The following PLEKHA6 variants were observed in gnomAD, a reference collection of about 807,000 sequenced individuals.
PLEKHA6 encodes pleckstrin homology domain containing A6, also known as pleckstrin homology domain-containing family A member 6.
PLEKHA6 carries 60 observed loss-of-function variants against 116.7 expected under a neutral mutation model. The observed-to-expected ratio is 0.51, with a 90% CI of 0.42 to 0.64. The LOEUF (loss-of-function observed/expected upper bound fraction) is 0.64, where lower values mean the gene tolerates loss of function less well. Among genes scored for constraint, PLEKHA6 ranks in the 30% least tolerant of loss-of-function variants. PLEKHA6 has a pLI of 0.00. For synonymous variants in PLEKHA6, 489 were observed against 556.1 expected (o/e 0.88, Z 1.70); for missense variants, 1,338 against 1,422.7 (o/e 0.94, Z 0.96).
At position 204,248,941 on chromosome 1, in the gene PLEKHA6, G is replaced by A. The variant is rs1436236611; in HGVS notation, c.1704C>T (p.Thr568=). ...KESLESALMG[T]HQELEMFGSQ... is the part of the protein sequence containing the mutation. ...TTCCAAACATCTCCAGCTCCTGGTG[G>A]GTCCCCATCAAGGCACTTTCCAGGC... The change falls in exon 12 of 23, where the codon ACC becomes ACT. Residue 568 remains threonine (T), a synonymous_variant. Coordinates refer to ENST00000272203, the MANE Select transcript of PLEKHA6 (RefSeq NM_014935.5). The A allele has an allele frequency of 6.2e-7, 1 of 1,613,960 alleles. No individual in the cohort carries two copies. Among genetic ancestry groups the A allele is most frequent in the African/African-American group, 1.3e-5 (1 of 74,922 alleles).
intron 1 of PLEKHA6, among the ~76,000 whole-genome samples, chr1:204,319,743 T>C (rs1671988891): frequency 6.6e-6 from 1 of 152,126 alleles, no homozygotes; most frequent in Non-Finnish European, 1.5e-5. Flanking sequence ...GCATTCCTGG[T>C]ATCTGGCATA....
rs1286354674 is a variant in PLEKHA6 at position 204,220,053 on chromosome 1, C to G, written c.*2735G>C. ...ACAAGTCCAAGGAACTTGTATGTGT[C>G]TGTGCTACAGGGCCAGGGATGGCCC... is the stretch of plus-strand genomic sequence containing the variant. On this transcript the variant is annotated 3_prime_UTR_variant, in exon 23 of 23. Coordinates refer to ENST00000272203, the MANE Select transcript of PLEKHA6 (RefSeq NM_014935.5). 5.3e-5 allele frequency: 8 copies of G among 152,364 alleles called. No individual in the cohort carries two copies. The highest frequency in any genetic ancestry group is 1.4e-4 in the African/African-American group (6 of 41,570). The allele number at this position is 152,364 out of a possible 1,614,324, so 9.4% of individuals were successfully genotyped here.
chr1:204,223,431 G>A lies in PLEKHA6; in HGVS notation c.*8+31C>T. On this transcript the variant is annotated intron_variant, in intron 22 of 22. Transcript: ENST00000272203. The surrounding 1 kb of genome is among the most constrained non-coding windows in gnomAD (Gnocchi z 4.8). The stretch of plus-strand genomic sequence containing the variant: ...GTGAAGGAAGGGGCCCCACTCCCGA[G>A]GTGGATGAAATACAGTAGAAAAGTG... 8.0e-7 allele frequency: 1 copy of A among 1,248,576 alleles called. No individual in the cohort carries two copies. Among genetic ancestry groups the A allele is most frequent in the Non-Finnish European group, 1.1e-6 (1 of 869,946 alleles). 77.3% of individuals were successfully genotyped at this position (1,248,576 alleles called of 1,614,324 possible). A position where few individuals can be genotyped will look rare whatever the true frequency, so the allele number is the denominator to read the frequency against.
At chr1:204,295,215 C>T (rs547586907) in intron 1 of PLEKHA6, among the ~76,000 whole-genome samples, 2 of 152,238 alleles carry the variant, frequency 1.3e-5, no homozygotes, top group South Asian at 2.1e-4. Context: ...CTAGGCCAGG[C>T]GCATTGGCTC....
chr1:204,346,345 C>T (rs781305238), intron 1 of PLEKHA6, among the ~76,000 whole-genome samples: 2 of 152,038 alleles, frequency 1.3e-5, no homozygotes, highest in African/African-American at 2.4e-5. Context: ...CAAACACTCT[C>T]ACTCTCACCC....
At position 204,268,249 on chromosome 1, in the gene PLEKHA6, G is replaced by T; in HGVS notation, c.166C>A (p.Pro56Thr). ...CCCGCCTTGGTGACAGGTGCATTGG[G>T]GTTCCGCTTCATGGAGTGTGAGCGC... Reference protein sequence around the residue: ...GKRSHSMKRNPNAPVTKAGWL... With the variant: ...GKRSHSMKRNTNAPVTKAGWL... Residue 56 changes from proline (P) to threonine (T), a missense_variant, in exon 4 of 23, where the codon CCC (proline) becomes ACC (threonine). Pro to Thr is a conservative substitution (Grantham distance 38). Transcript: ENST00000272203. 6.2e-7 allele frequency: 1 copy of T among 1,612,768 alleles called. No individual in the cohort carries two copies. The highest frequency in any genetic ancestry group is 8.5e-7 in the Non-Finnish European group (1 of 1,179,472).
Position 204,245,633 on chromosome 1 carries a change from C to T in PLEKHA6, c.2014G>A (p.Asp672Asn). ...CACCCACCTCTGTGCTTGGCGGTGT[C>T]CGTGCCCCGGGAGGGGTTGTTCTTC... ...LRKNNPSRGT[D>N]TAKHRGGLGP... The change falls in exon 14 of 23, where the codon GAC (aspartate) becomes AAC (asparagine). Residue 672 changes from aspartate (D) to asparagine (N), a missense_variant. This residue lies in a region of PLEKHA6 where 1,136 missense variants were observed against 1,163.6 expected (regional missense o/e 0.98). Coordinates refer to ENST00000272203, the MANE Select transcript of PLEKHA6 (RefSeq NM_014935.5). 6.2e-7 allele frequency: 1 copy of T among 1,611,356 alleles called. No individual in the cohort carries two copies. The highest frequency in any genetic ancestry group is 8.5e-7 in the Non-Finnish European group (1 of 1,177,738).
intron 1 of PLEKHA6, among the ~76,000 whole-genome samples, chr1:204,312,841 ATTTTCTTTTC>A (rs138741377): frequency 0.055 from 7,696 of 140,500 alleles, 592 homozygotes; most frequent in African/African-American, 0.18. Flanking sequence ...CCCTTAGCCC[ATTTTCTTTTC>A]TTTTCTTTTC....
chr1:204,341,521 G>A (rs1195400682), intron 1 of PLEKHA6, among the ~76,000 whole-genome samples: 4 of 152,216 alleles, frequency 2.6e-5, no homozygotes, highest in Non-Finnish European at 4.4e-5. Context: ...TTGCAGGGAT[G>A]GAGCTCTGGA....
rs1225524191 is a variant in PLEKHA6, at chr1:204,348,717, C to G, written c.-95+10977G>C. 1.8e-4 allele frequency among the ~76,000 whole-genome samples: 3 copies of G among 16,296 alleles called. 1 individual carries two copies. The highest frequency in any genetic ancestry group is 4.9e-4 in the African/African-American group (3 of 6,064). The allele number at this position is 16,296 out of a possible 152,430, so 10.7% of individuals were successfully genotyped here. On this transcript the variant is annotated intron_variant, in intron 1 of 22. Transcript: ENST00000272203. ...CAACTCAGCCCCCAGGTGCCAAACC[C>G]CCCCCCCGCCATCTCCCCCACCCTG...
At position 204,317,828 on chromosome 1, in the gene PLEKHA6, A is replaced by G. The variant is rs138824402; in HGVS notation, c.-95+41866T>C. On this transcript the variant is annotated intron_variant, in intron 1 of 22. Transcript: ENST00000272203. The stretch of plus-strand genomic sequence containing the variant: ...ACTTTTGTTAAAACACACACACACA[A>G]TATGAGAATCCTGACTCAGCCACTT... Among the ~76,000 whole-genome samples, 792 of 152,332 alleles carry G rather than the reference A, an allele frequency of 5.2e-3. 7 individuals are homozygous for G. Among genetic ancestry groups the G allele is most frequent in the Non-Finnish European group, 7.8e-3 (530 of 68,020 alleles).
intron 1 of PLEKHA6, among the ~76,000 whole-genome samples, chr1:204,321,652 CTG>C (rs990512950): frequency 3.3e-5 from 5 of 152,170 alleles, no homozygotes; most frequent in African/African-American, 1.2e-4. Flanking sequence ...CTTCCTCCCT[CTG>C]TGTTTGCAAA....
chr1:204,241,508 G>T, intron 16 of PLEKHA6, 27 bp from the exon 17 acceptor site: 1 of 1,501,112 alleles, frequency 6.7e-7, no homozygotes, highest in South Asian at 1.3e-5. Flanking sequence ...TAGCCAGTGG[G>T]CCTCATGGAG....
intron 1 of PLEKHA6, among the ~76,000 whole-genome samples, chr1:204,304,513 T>A (rs920917217): frequency 2.0e-5 from 3 of 152,200 alleles, no homozygotes; most frequent in African/African-American, 7.2e-5. Context: ...AATAAGGATA[T>A]TTTAAAAGCC....
chr1:204,325,577 G>A (rs1572182881), intron 1 of PLEKHA6, among the ~76,000 whole-genome samples: 1 of 152,194 alleles, frequency 6.6e-6, no homozygotes, highest in African/African-American at 2.4e-5. Flanking sequence ...CCTGCTTGGT[G>A]AGCCCTCAGC....
At chr1:204,345,328 T>C (rs1047009886) in intron 1 of PLEKHA6, among the ~76,000 whole-genome samples, 6 of 152,088 alleles carry the variant, frequency 3.9e-5, no homozygotes, top group African/African-American at 7.2e-5. Context: ...CTGCAGACTT[T>C]CCTAACAAGG....
chr1:204,265,513 A>C (rs904437289), intron 5 of PLEKHA6, among the ~76,000 whole-genome samples: 21 of 152,226 alleles, frequency 1.4e-4, no homozygotes, highest in African/African-American at 5.1e-4. Context: ...TACTTAGGCA[A>C]CAAGTGGTAA....
At position 204,259,516 on chromosome 1, in the gene PLEKHA6, C is replaced by T. The variant is rs747844023; in HGVS notation, c.749G>A (p.Gly250Asp). 2 of 1,614,120 alleles carry T rather than the reference C, an allele frequency of 1.2e-6. No homozygotes were observed. Among genetic ancestry groups the T allele is most frequent in the Non-Finnish European group, 1.7e-6 (2 of 1,179,994 alleles). ...PAGPEPASEPGSPYPEGPRVP... is the reference protein window; with the variant it reads ...PAGPEPASEPDSPYPEGPRVP... The stretch of plus-strand genomic sequence containing the variant: ...TCTTGGGCCCTCGGGGTAAGGGCTG[C>T]CCGGCTCTGAGGCTGGCTCCGGTCC... Residue 250 changes from glycine (G) to aspartate (D), a missense_variant, in exon 8 of 23, where the codon GGC (glycine) becomes GAC (aspartate). By Grantham distance (94) the Gly-to-Asp change is moderately conservative (BLOSUM62 -1). Around this residue, in one of 3 missense-constraint regions of PLEKHA6, gnomAD observed 1,136 missense variants for 1,163.6 expected, o/e 0.98. Coordinates refer to ENST00000272203, the MANE Select transcript of PLEKHA6 (RefSeq NM_014935.5). This position sits in a 1 kb window ranked among gnomAD's most constrained non-coding sequence, Gnocchi z 4.6.
In PLEKHA6 at chr1:204,246,409, T is replaced by G. The variant is rs1199740218; in HGVS notation, c.1921-683A>C. ...TATTTGGACCCGAAGTTAGCGCCCT[T>G]GACCACAACCCTATCCCCCCTACTA... On this transcript the variant is annotated intron_variant, in intron 13 of 22. Coordinates refer to ENST00000272203, the MANE Select transcript of PLEKHA6 (RefSeq NM_014935.5). Among the ~76,000 whole-genome samples the G allele has an allele frequency of 2.0e-5, 3 of 152,298 alleles. No individual in the cohort carries two copies. In the East Asian group the frequency reaches 5.8e-4, roughly 29 times the overall value.
Sources: allele counts gnomAD v4.1 joint callset (sites outside exome capture counted in the v4.1 genomes callset), GRCh38; gene constraint gnomAD v4.1.1; regional missense constraint gnomAD v4.1.1; non-coding constraint Gnocchi (gnomAD v3.1); transcripts MANE v1.5; gene names NCBI Gene and HGNC (gene_info 2026-07-23, HGNC 2026-07-21).